BARX2: variants seen among roughly 807,000 people sequenced by gnomAD.
The protein encoded by BARX2 is homeobox protein BarH-like 2.
BARX2 carries 11 observed loss-of-function variants against 25.5 expected under a neutral mutation model. The observed-to-expected ratio is 0.43, with a 90% confidence interval of 0.27 to 0.71. BARX2 has a LOEUF of 0.71. Ranked by LOEUF, BARX2 falls within the 30% of genes least tolerant of loss-of-function variation. The pLI is 0.19. For missense variants in BARX2, 360 were observed against 359.9 expected (o/e 1.00, Z 0.00); for synonymous variants, 137 against 149.5 (o/e 0.92, Z 0.61).
At chr11:129,422,257 G>C (rs1862012719) in intron 1 of BARX2, among the ~76,000 whole-genome samples, 1 of 152,086 alleles carries the variant, frequency 6.6e-6, no homozygotes, top group Non-Finnish European at 1.5e-5. Flanking sequence ...GCTGGACAAG[G>C]ACCTGGTCTG....
In BARX2 at chr11:129,449,442, G is replaced by A. The variant is rs78038488; in HGVS notation, c.574-1694G>A. ...AGATTAGGCTAGGTTTATAAATAGC[G>A]AAAATATCTCCCACCCCTAATCATC... On this transcript the variant is annotated intron_variant, in intron 3 of 3. Coordinates refer to ENST00000281437, the MANE Select transcript of BARX2 (RefSeq NM_003658.5). Among the ~76,000 whole-genome samples the A allele has an allele frequency of 4.5e-4, 69 of 152,212 alleles. No homozygotes were observed. The East Asian group carries it at 9.9e-3, about 22-fold the overall frequency.
chr11:129,414,496 C>T (rs562438552), intron 1 of BARX2, among the ~76,000 whole-genome samples: 1 of 152,306 alleles, frequency 6.6e-6, no homozygotes, highest in Admixed American at 6.5e-5. Context: ...ATGATAGCCA[C>T]TAGGTTGGGT....
chr11:129,450,383 G>A (rs1862382995), intron 3 of BARX2, among the ~76,000 whole-genome samples: 1 of 152,172 alleles, frequency 6.6e-6, no homozygotes, highest in East Asian at 1.9e-4. Flanking sequence ...TGCAGACAAG[G>A]TGGTGTATAG....
Position 129,387,405 on chromosome 11 carries a change from A to G in BARX2, c.187+11183A>G, listed in dbSNP as rs1861626492. On this transcript the variant is annotated intron_variant, in intron 1 of 3. Transcript: ENST00000281437. ...AATCCTCTGTCTGGAACTACTTAGG[A>G]AAAGACAAGCAAGGATTTAGGATAT... Among the ~76,000 whole-genome samples the G allele has an allele frequency of 2.0e-5, 3 of 152,342 alleles. No individual in the cohort carries two copies. The South Asian group carries it at 6.2e-4, about 32-fold the overall frequency.
At chr11:129,381,975 C>T (rs765209166) in intron 1 of BARX2, among the ~76,000 whole-genome samples, 6 of 152,174 alleles carry the variant, frequency 3.9e-5, no homozygotes, top group East Asian at 1.9e-4. Context: ...TCTACTTAGA[C>T]GCGTGCTGGG....
At chr11:129,385,762 A>G (rs543000880) in intron 1 of BARX2, among the ~76,000 whole-genome samples, 443 of 152,344 alleles carry the variant, frequency 2.9e-3, no homozygotes, top group Non-Finnish European at 4.6e-3. Context: ...ATAGAAGTTA[A>G]TGACATTATT....
intron 1 of BARX2, among the ~76,000 whole-genome samples, chr11:129,431,212 G>A (rs891115997): frequency 6.6e-5 from 10 of 152,062 alleles, no homozygotes; most frequent in African/African-American, 2.2e-4. Context: ...CCCAAATGAG[G>A]GACATTTGGA....
chr11:129,445,436 C>A (rs143623526), intron 3 of BARX2, among the ~76,000 whole-genome samples: 1 of 152,236 alleles, frequency 6.6e-6, no homozygotes, highest in African/African-American at 2.4e-5. Context: ...TCGTCTCTGA[C>A]GTCACTTGTT....
rs144132306 is a variant in BARX2 at position 129,380,403 on chromosome 11, A to G, written c.187+4181A>G. Among the ~76,000 whole-genome samples, 1,155 of 152,226 alleles carry G rather than the reference A, an allele frequency of 7.6e-3. 53 individuals are homozygous for G. Among genetic ancestry groups the G allele is most frequent in the Admixed American group, 0.064 (973 of 15,292 alleles). ...AATTAAATGCGGTGCAGGTATGTAT[A>G]GTGTCTCGTTTGGGAGTTAGGGAGC... is the stretch of plus-strand genomic sequence containing the variant. On this transcript the variant is annotated intron_variant, in intron 1 of 3. Coordinates refer to ENST00000281437, the MANE Select transcript of BARX2 (RefSeq NM_003658.5).
chr11:129,428,761 A>G lies in BARX2; in HGVS notation c.188-7990A>G, dbSNP rs527901339. Among the ~76,000 whole-genome samples the G allele has an allele frequency of 2.0e-5, 3 of 152,324 alleles. No homozygotes were observed. In the East Asian group the frequency reaches 5.8e-4, roughly 29 times the overall value. Reference sequence around the variant, plus strand: ...GACACATATCAAATACCAAGAGCTCAAGACAGTGCCTCATTGCGATTCTAT... The same window carrying G: ...GACACATATCAAATACCAAGAGCTCGAGACAGTGCCTCATTGCGATTCTAT... On this transcript the variant is annotated intron_variant, in intron 1 of 3. Coordinates refer to ENST00000281437, the MANE Select transcript of BARX2 (RefSeq NM_003658.5).
intron 3 of BARX2, among the ~76,000 whole-genome samples, chr11:129,445,083 AAT>A: frequency 6.6e-6 from 1 of 152,358 alleles, no homozygotes; most frequent in South Asian, 2.1e-4. Flanking sequence ...GATTCGGTTA[AAT>A]AGTCTTCCAA....
rs540318500 is a variant in BARX2, at chr11:129,442,001, G to A, written c.489-834G>A. Among the ~76,000 whole-genome samples, 4 of 152,298 alleles carry A rather than the reference G, an allele frequency of 2.6e-5. No homozygotes were observed. In the Middle Eastern group the frequency reaches 0.01, roughly 389 times the overall value. ...CCCCAGAAATGGCTTTGACTTTTAG[G>A]ACTTTTCAGAAGACTACAGAGAAGT... On this transcript the variant is annotated intron_variant, in intron 2 of 3. Coordinates refer to ENST00000281437, the MANE Select transcript of BARX2 (RefSeq NM_003658.5).
rs138172946 is a variant in BARX2, at chr11:129,442,897, G to A, written c.551G>A (p.Arg184His). 5 of 1,613,510 alleles carry A rather than the reference G, an allele frequency of 3.1e-6. No homozygotes were observed. The highest frequency in any genetic ancestry group is 2.7e-5 in the African/African-American group (2 of 74,880). ...CAGGTGAAGACCTGGTATCAGAATC[G>A]CAGGATGAAATGGAAGAAAATGGTA... ...QLQVKTWYQN[R>H]RMKWKKMVLK... The change falls in exon 3 of 4, where the codon CGC becomes CAC. Residue 184 changes from arginine (R) to histidine (H), a missense_variant. This residue lies in a region of BARX2 where 6 missense variants were observed against 21.8 expected (regional missense o/e 0.28). Transcript: ENST00000281437.
At chr11:129,391,340 A>G (rs1405460200) in intron 1 of BARX2, among the ~76,000 whole-genome samples, 1 of 152,242 alleles carries the variant, frequency 6.6e-6, no homozygotes, top group Non-Finnish European at 1.5e-5. Context: ...ATTGGAACAC[A>G]GCACATGCAC....
intron 1 of BARX2, among the ~76,000 whole-genome samples, chr11:129,391,551 T>C (rs1208222107): frequency 6.6e-6 from 1 of 152,198 alleles, no homozygotes; most frequent in Non-Finnish European, 1.5e-5. Context: ...TAAACTATGA[T>C]GTCATTCCAG....
intron 1 of BARX2, among the ~76,000 whole-genome samples, chr11:129,422,803 A>G (rs1422715127): frequency 6.6e-6 from 1 of 151,660 alleles, no homozygotes; most frequent in East Asian, 1.9e-4. Context: ...TCCCAGGTTC[A>G]AGTGATTCTC....
chr11:129,451,553 T>A lies in BARX2; in HGVS notation c.*151T>A. The stretch of plus-strand genomic sequence containing the variant: ...CTCCCTCCCACAGTTACCATTGGCC[T>A]TGTCATCGCAAGCATTTGACAAAGA... On this transcript the variant is annotated 3_prime_UTR_variant, in exon 4 of 4. Coordinates refer to ENST00000281437, the MANE Select transcript of BARX2 (RefSeq NM_003658.5). 1.1e-6 allele frequency: 1 copy of A among 894,370 alleles called. No individual in the cohort carries two copies. Among genetic ancestry groups the A allele is most frequent in the Non-Finnish European group, 1.7e-6 (1 of 602,802 alleles). The allele number at this position is 894,370 out of a possible 1,614,324, so 55.4% of individuals were successfully genotyped here.
Position 129,451,435 on chromosome 11 carries a change from G to C in BARX2, c.*33G>C, listed in dbSNP as rs1312853701. On this transcript the variant is annotated 3_prime_UTR_variant, in exon 4 of 4. Transcript: ENST00000281437. ...CCCTTTTGAGGGAAGAGGGAGACTG[G>C]GGAGAAGGGAAAAGAGAGAAGGCAG... 6.3e-7 allele frequency: 1 copy of C among 1,595,606 alleles called. No individual in the cohort carries two copies. The highest frequency in any genetic ancestry group is 1.3e-5 in the African/African-American group (1 of 74,256).
chr11:129,408,697 C>T (rs939444209), intron 1 of BARX2, among the ~76,000 whole-genome samples: 10 of 152,162 alleles, frequency 6.6e-5, no homozygotes, highest in African/African-American at 2.4e-4. Flanking sequence ...CCTCAGCCTC[C>T]CCCATACATG....
Sources: gnomAD v4.1 joint callset for allele counts (sites outside exome capture counted in the v4.1 genomes callset) on GRCh38, gnomAD v4.1.1 for gene constraint, gnomAD v4.1.1 regional missense constraint, MANE v1.5 for transcripts, NCBI Gene and HGNC (gene_info 2026-07-23, HGNC 2026-07-21) for gene names.